Variants in TMEM38B observed in about 807,000 individuals in gnomAD.
The protein encoded by TMEM38B is trimeric intracellular cation channel type B.
In TMEM38B, 24 loss-of-function variants were observed where a neutral mutation model predicts 28.7. That is an observed-to-expected ratio of 0.84 (90% confidence interval 0.61 to 1.18). TMEM38B has a LOEUF of 1.18. Among genes scored for constraint, TMEM38B ranks in the 50% most tolerant of loss-of-function variants. TMEM38B has a pLI of 0.00. For synonymous variants in TMEM38B, 131 were observed against 127.7 expected, an observed-to-expected ratio of 1.03 and a Z score of -0.17; for missense variants, 380 against 350.9, an observed-to-expected ratio of 1.08 and a Z score of -0.66.
At chr9:105,722,997 A>G (rs1836378194) in intron 4 of TMEM38B, among the ~76,000 whole-genome samples, 1 of 152,202 alleles carries the variant, frequency 6.6e-6, no homozygotes, top group Admixed American at 6.5e-5. Context: ...TGACTATGAC[A>G]TCATCCAGAT....
chr9:105,760,724 G>GA, intron 5 of TMEM38B: 2 of 1,236,930 alleles, frequency 1.6e-6, no homozygotes, highest in Non-Finnish European at 2.3e-6. Context: ...CTGATTTTAA[G>GA]AAAACCAAAG....
At chr9:105,766,453 G>GT (rs1826373382) in intron 5 of TMEM38B, among the ~76,000 whole-genome samples, 1 of 152,072 alleles carries the variant, frequency 6.6e-6, no homozygotes, top group Non-Finnish European at 1.5e-5. Flanking sequence ...ATTAAAAATT[G>GT]TATTATTATT....
intron 4 of TMEM38B, among the ~76,000 whole-genome samples, chr9:105,724,035 C>T (rs1836421742): frequency 6.6e-6 from 1 of 150,616 alleles, no homozygotes; most frequent in African/African-American, 2.4e-5. Flanking sequence ...GTGGTTTCAC[C>T]ATGTTGGCCA....
chr9:105,752,078 A>G (rs1286563447), intron 5 of TMEM38B, among the ~76,000 whole-genome samples: 2 of 152,082 alleles, frequency 1.3e-5, no homozygotes, highest in African/African-American at 4.8e-5. Flanking sequence ...GATCATTACC[A>G]GACTGTTTTT....
chr9:105,694,682 T>G lies in TMEM38B; in HGVS notation c.22T>G (p.Leu8Val). 3 of 1,613,814 alleles carry G rather than the reference T, an allele frequency of 1.9e-6. No homozygotes were observed. The highest frequency in any genetic ancestry group is 2.5e-6 in the Non-Finnish European group (3 of 1,179,818). Residue 8 changes from leucine to valine, a missense_variant, in exon 1 of 6, where the codon TTG (leucine) becomes GTG (valine). Transcript: ENST00000374692. The stretch of plus-strand genomic sequence containing the variant: ...CGTTATGGATTCTCCATGGGACGAG[T>G]TGGCTCTGGCCTTCTCCCGCACGTC... MDSPWDE[L>V]ALAFSRTSMF...
At chr9:105,742,193 A>G (rs1054821061) in intron 4 of TMEM38B, among the ~76,000 whole-genome samples, 1 of 152,208 alleles carries the variant, frequency 6.6e-6, no homozygotes, top group African/African-American at 2.4e-5. Context: ...AGCTGCAAAC[A>G]TATGCTTGAA....
chr9:105,756,953 T>G (rs1317610707), intron 5 of TMEM38B, among the ~76,000 whole-genome samples: 2 of 152,200 alleles, frequency 1.3e-5, no homozygotes, highest in East Asian at 3.8e-4. Flanking sequence ...GGTGTTTTTT[T>G]GGTTACATGG....
intron 2 of TMEM38B, among the ~76,000 whole-genome samples, chr9:105,708,878 C>T (rs561484799): frequency 2.4e-4 from 37 of 151,266 alleles, no homozygotes; most frequent in Admixed American, 2.0e-3. Context: ...GTTGCTCTAA[C>T]TATACTGGAA....
chr9:105,759,252 A>G, intron 5 of TMEM38B: 1 of 715,896 alleles, frequency 1.4e-6, no homozygotes. Flanking sequence ...TGGCTATGTC[A>G]TAGTTTCAGA....
chr9:105,707,029 C>T (rs1014417328), intron 2 of TMEM38B, among the ~76,000 whole-genome samples: 3 of 152,170 alleles, frequency 2.0e-5, no homozygotes, highest in Non-Finnish European at 2.9e-5. Flanking sequence ...CTGCCCGTCT[C>T]AGCCTCCCAA....
At chr9:105,741,297 ATG>A (rs1272875644) in intron 4 of TMEM38B, among the ~76,000 whole-genome samples, 6 of 152,072 alleles carry the variant, frequency 3.9e-5, no homozygotes, top group Admixed American at 3.3e-4. Flanking sequence ...GGTACAGGAT[ATG>A]GTGTGCTGCT....
In TMEM38B at chr9:105,725,620, C is replaced by T. The variant is rs1199358843; in HGVS notation, c.542+2999C>T. 2.6e-5 allele frequency among the ~76,000 whole-genome samples: 4 copies of T among 152,086 alleles called. No individual in the cohort carries two copies. The East Asian group carries it at 7.7e-4, about 29-fold the overall frequency. ...GGTATAGCCCATTTCTGTTAGGCTACAAACCTTTACAGCATGTTACTGTAG... is the reference window on the plus strand; with the variant it reads ...GGTATAGCCCATTTCTGTTAGGCTATAAACCTTTACAGCATGTTACTGTAG... On this transcript the variant is annotated intron_variant, in intron 4 of 5. Coordinates refer to ENST00000374692, the MANE Select transcript of TMEM38B (RefSeq NM_018112.3).
rs1396764257 is a variant in TMEM38B, at chr9:105,776,223, A to G, written c.*2143A>G. On this transcript the variant is annotated 3_prime_UTR_variant, in exon 6 of 6. Transcript: ENST00000374692. ...AAAAAAAGGAGACAAAAAGCTGGCA[A>G]GAACATGAGCCAGCTTCCCTCAGTG... 1 of 152,182 alleles carries G rather than the reference A, an allele frequency of 6.6e-6. No individual in the cohort carries two copies. Among genetic ancestry groups the G allele is most frequent in the Non-Finnish European group, 1.5e-5 (1 of 68,034 alleles). The allele number at this position is 152,182 out of a possible 1,614,324, so 9.4% of individuals were successfully genotyped here. A position where few individuals can be genotyped will look rare whatever the true frequency, so the allele number is the denominator to read the frequency against.
At position 105,725,971 on chromosome 9, in the gene TMEM38B, A is replaced by G. The variant is rs9696417; in HGVS notation, c.542+3350A>G. Among the ~76,000 whole-genome samples the G allele has an allele frequency of 7.2e-5, 11 of 152,090 alleles. No homozygotes were observed. The East Asian group carries it at 1.9e-3, about 27-fold the overall frequency. On this transcript the variant is annotated intron_variant, in intron 4 of 5. Transcript: ENST00000374692. ...CTGTAACTTTTTTCTTTTTTAAAAA[A>G]TTTCCCTTTACTTATTTTTAAAAAT...
chr9:105,717,246 A>G (rs1012622329), intron 2 of TMEM38B, among the ~76,000 whole-genome samples: 3 of 152,196 alleles, frequency 2.0e-5, no homozygotes, highest in Admixed American at 6.5e-5. Flanking sequence ...CAACTTCATG[A>G]TGCCCAGAGA....
At chr9:105,763,476 A>G (rs1200190693) in intron 5 of TMEM38B, among the ~76,000 whole-genome samples, 1 of 152,200 alleles carries the variant, frequency 6.6e-6, no homozygotes, top group Non-Finnish European at 1.5e-5. Context: ...AAACTAGAAA[A>G]TCTAGAAGAA....
intron 2 of TMEM38B, among the ~76,000 whole-genome samples, chr9:105,713,060 T>C (rs1030489750): frequency 2.6e-5 from 4 of 152,200 alleles, no homozygotes; most frequent in African/African-American, 9.6e-5. Flanking sequence ...GCTGGGGACA[T>C]GCGGGAGCCC....
intron 4 of TMEM38B, among the ~76,000 whole-genome samples, chr9:105,746,584 G>A (rs967642627): frequency 1.2e-4 from 18 of 152,090 alleles, no homozygotes; most frequent in African/African-American, 3.4e-4. Flanking sequence ...TCTCCTGCCT[G>A]ATTGCCCTGG....
intron 4 of TMEM38B, among the ~76,000 whole-genome samples, chr9:105,735,544 T>G (rs1337072449): frequency 4.6e-5 from 7 of 152,228 alleles, no homozygotes. Flanking sequence ...TTCTGAAGAA[T>G]AGCTTTGCTG....
Sources: allele counts gnomAD v4.1 joint callset (sites outside exome capture counted in the v4.1 genomes callset), GRCh38; gene constraint gnomAD v4.1.1; transcripts MANE v1.5; gene names NCBI Gene and HGNC (gene_info 2026-07-23, HGNC 2026-07-21).